SPON1: variants seen among roughly 807,000 people sequenced by gnomAD.
SPON1 encodes spondin-1.
A neutral mutation model predicts 111.7 loss-of-function variants in SPON1; 52 were observed. The observed-to-expected ratio is 0.47, with a 90% CI of 0.37 to 0.59. The LOEUF (loss-of-function observed/expected upper bound fraction) is 0.59. Ranked by LOEUF, SPON1 falls within the 20% of genes least tolerant of loss-of-function variation. The probability of loss-of-function intolerance (pLI) is 0.00; values close to 1 mark genes in which losing one functional copy is unlikely to be tolerated. For synonymous variants in SPON1, 410 were observed against 395.8 expected (o/e 1.04, Z -0.43); for missense variants, 957 against 1,068.5 (o/e 0.90, Z 1.46).
At chr11:14,075,690 T>C (rs1176639551) in intron 4 of SPON1, among the ~76,000 whole-genome samples, 1 of 152,214 alleles carries the variant, frequency 6.6e-6, no homozygotes, top group African/African-American at 2.4e-5. Flanking sequence ...GTGATTATTC[T>C]GAAGAGGTTC....
Position 14,259,662 on chromosome 11 carries a change from G to C in SPON1, c.1792G>C (p.Glu598Gln), listed in dbSNP as rs782392696. The C allele has an allele frequency of 1.3e-6, 2 of 1,571,672 alleles. No homozygotes were observed. ...NPADGSMCKA[E>Q]TSQAEKCMMP... ...CGCAGATGGCTCCATGTGCAAAGCCGAGACATCACAGGCAGAGAAGTGCAT... is the reference window on the plus strand; with the variant it reads ...CGCAGATGGCTCCATGTGCAAAGCCCAGACATCACAGGCAGAGAAGTGCAT... Residue 598 changes from glutamate to glutamine, a missense_variant, in exon 13 of 16, where the codon GAG becomes CAG. Glu to Gln is a conservative substitution (Grantham distance 29, BLOSUM62 2). This residue lies in a region of SPON1 where 549 missense variants were observed against 606.2 expected (regional missense o/e 0.91). Transcript: ENST00000576479. The surrounding 1 kb of genome is among the most constrained non-coding windows in gnomAD (Gnocchi z 5.0).
chr11:14,136,957 T>C (rs1554928157), intron 6 of SPON1, among the ~76,000 whole-genome samples: 1 of 152,192 alleles, frequency 6.6e-6, no homozygotes, highest in Non-Finnish European at 1.5e-5. Context: ...GAGGTTCACA[T>C]TCCCAGTTCT....
intron 6 of SPON1, among the ~76,000 whole-genome samples, chr11:14,169,782 G>A (rs868962227): frequency 1.3e-5 from 2 of 152,066 alleles, no homozygotes. Flanking sequence ...TTTTTGTCAG[G>A]TTTGTCAAAG....
intron 1 of SPON1, among the ~76,000 whole-genome samples, chr11:13,966,946 A>G (rs1317823026): frequency 6.6e-6 from 1 of 152,238 alleles, no homozygotes; most frequent in African/African-American, 2.4e-5. Context: ...ATGTTATGAG[A>G]TGATTATTTT....
intron 2 of SPON1, among the ~76,000 whole-genome samples, chr11:14,036,719 G>A (rs1848596861): frequency 6.6e-6 from 1 of 152,164 alleles, no homozygotes; most frequent in African/African-American, 2.4e-5. Context: ...GTCAGAACAG[G>A]AGAGGGTTTA....
At chr11:13,965,014 CTT>C (rs1564874687) in intron 1 of SPON1, among the ~76,000 whole-genome samples, 2 of 151,704 alleles carry the variant, frequency 1.3e-5, no homozygotes, top group Non-Finnish European at 2.9e-5. Flanking sequence ...TCCACCCTCT[CTT>C]GGTGGTAGGG....
intron 5 of SPON1, among the ~76,000 whole-genome samples, chr11:14,116,201 A>G (rs1554925967): frequency 6.6e-6 from 1 of 151,914 alleles, no homozygotes; most frequent in Non-Finnish European, 1.5e-5. Context: ...TTGCCTTTTT[A>G]CTTTTCTAAT....
chr11:14,130,335 C>T (rs1055935423), intron 5 of SPON1, among the ~76,000 whole-genome samples: 2 of 152,098 alleles, frequency 1.3e-5, no homozygotes, highest in African/African-American at 2.4e-5. Context: ...GTGGTGGGTG[C>T]TGAGTGCCCT....
At chr11:14,067,069 C>A (rs1848838372) in intron 3 of SPON1, among the ~76,000 whole-genome samples, 1 of 152,094 alleles carries the variant, frequency 6.6e-6, no homozygotes, top group African/African-American at 2.4e-5. Flanking sequence ...CCCAGCTACT[C>A]AGGAAGCTGA....
At chr11:13,991,253 T>C (rs1421910159) in intron 2 of SPON1, among the ~76,000 whole-genome samples, 1 of 152,230 alleles carries the variant, frequency 6.6e-6, no homozygotes, top group Non-Finnish European at 1.5e-5. Flanking sequence ...CCCATATTTC[T>C]TGGAGGCTTT....
At chr11:14,145,965 A>G (rs1467970581) in intron 6 of SPON1, among the ~76,000 whole-genome samples, 1 of 152,190 alleles carries the variant, frequency 6.6e-6, no homozygotes, top group Non-Finnish European at 1.5e-5. Flanking sequence ...ATGGCAGGTT[A>G]GAGTGAAATG....
intron 2 of SPON1, among the ~76,000 whole-genome samples, chr11:13,984,089 C>T (rs1490362932): frequency 6.6e-6 from 1 of 152,150 alleles, no homozygotes; most frequent in Non-Finnish European, 1.5e-5. Flanking sequence ...GAAAGGGTGA[C>T]CCAATAATAA....
chr11:14,061,048 G>A (rs1848787845), intron 3 of SPON1, among the ~76,000 whole-genome samples: 1 of 152,212 alleles, frequency 6.6e-6, no homozygotes, highest in Non-Finnish European at 1.5e-5. Context: ...CCTATCTCAT[G>A]CTAGGCACTT....
At chr11:14,253,922 C>T (rs1324248010) in intron 7 of SPON1, among the ~76,000 whole-genome samples, 1 of 152,218 alleles carries the variant, frequency 6.6e-6, no homozygotes, top group Non-Finnish European at 1.5e-5. Flanking sequence ...CCATGTATCT[C>T]ACATGGTCCC....
At chr11:14,043,448 G>T (rs782744228) in intron 3 of SPON1, among the ~76,000 whole-genome samples, 3 of 152,202 alleles carry the variant, frequency 2.0e-5, no homozygotes, top group Non-Finnish European at 4.4e-5. Flanking sequence ...CTGATTTTCT[G>T]TGTCAATTGC....
chr11:14,047,992 C>G (rs1554917992), intron 3 of SPON1, among the ~76,000 whole-genome samples: 1 of 152,166 alleles, frequency 6.6e-6, no homozygotes, highest in Admixed American at 6.5e-5. Context: ...GTAATCCCAG[C>G]ATTTTGGGAG....
At chr11:14,140,543 T>C (rs10832191) in intron 6 of SPON1, among the ~76,000 whole-genome samples, 59,920 of 151,916 alleles carry the variant, frequency 0.39, 12,075 homozygotes, top group East Asian at 0.55. Flanking sequence ...TACAGGCGCC[T>C]GCCATCATGC....
At chr11:14,035,075 A>G (rs1848584521) in intron 2 of SPON1, among the ~76,000 whole-genome samples, 2 of 152,232 alleles carry the variant, frequency 1.3e-5, no homozygotes. Flanking sequence ...AATATGAAGC[A>G]AAAGTACTAT....
intron 6 of SPON1, among the ~76,000 whole-genome samples, chr11:14,237,214 A>G (rs1373050309): frequency 6.6e-6 from 1 of 152,172 alleles, no homozygotes; most frequent in East Asian, 1.9e-4. Context: ...GTCAGGATGG[A>G]TATTTTTTGT....
Sources: allele counts gnomAD v4.1 joint callset (sites outside exome capture counted in the v4.1 genomes callset), GRCh38; gene constraint gnomAD v4.1.1; regional missense constraint gnomAD v4.1.1; non-coding constraint Gnocchi (gnomAD v3.1); transcripts MANE v1.5; gene names NCBI Gene and HGNC (gene_info 2026-07-23, HGNC 2026-07-21).